Variants in C2CD5 observed in about 807,000 individuals in gnomAD.
The protein encoded by C2CD5 is C2 domain-containing protein 5.
A neutral mutation model predicts 130.3 loss-of-function variants in C2CD5; 109 were observed. The ratio of observed to expected loss-of-function variants is 0.84; its 90% CI spans 0.72 to 0.98. The LOEUF is 0.98. Ranked by LOEUF, C2CD5 falls within the 50% of genes least tolerant of loss-of-function variation. The pLI is 0.00. For synonymous variants in C2CD5, 454 were observed against 429.2 expected, an observed-to-expected ratio of 1.06 and a Z score of -0.71; for missense variants, 996 against 1,261.8, an observed-to-expected ratio of 0.79 and a Z score of 3.19.
chr12:22,506,749 G>A lies in C2CD5; in HGVS notation c.1109C>T (p.Ala370Val), dbSNP rs752696571. 3.0e-5 allele frequency: 48 copies of A among 1,610,752 alleles called. 3 individuals carry two copies. The South Asian group carries it at 4.9e-4, about 17-fold the overall frequency. ...ACGATCCAAAAGCTTCACAGAACGT[G>A]CACTAACTACACCCCCAACGTGTAC... ...FLVHVGGVVS[A>V]RSVKLLDRIH... Residue 370 changes from alanine to valine, a missense_variant, in exon 10 of 27, where the codon GCA (alanine) becomes GTA (valine). Ala to Val is a moderately conservative substitution (Grantham distance 64). This residue lies in a region of C2CD5 where 156 missense variants were observed against 165.9 expected (regional missense o/e 0.94). Transcript: ENST00000446597.
chr12:22,454,855 T>TC (rs1187399394), intron 25 of C2CD5, among the ~76,000 whole-genome samples: 2 of 152,160 alleles, frequency 1.3e-5, no homozygotes, highest in African/African-American at 4.8e-5. Flanking sequence ...AACATCTAGT[T>TC]CAACAGGTGC....
At chr12:22,500,143 C>A (rs1947572419) in intron 10 of C2CD5, among the ~76,000 whole-genome samples, 1 of 151,940 alleles carries the variant, frequency 6.6e-6, no homozygotes, top group Non-Finnish European at 1.5e-5. Flanking sequence ...GAGATCACGC[C>A]ACTGAACTCC....
chr12:22,467,008 T>C (rs1372637151), intron 22 of C2CD5, among the ~76,000 whole-genome samples: 4 of 152,136 alleles, frequency 2.6e-5, no homozygotes, highest in East Asian at 1.9e-4. Flanking sequence ...TTCAGAAAAG[T>C]AGGGGATCCA....
intron 10 of C2CD5, among the ~76,000 whole-genome samples, chr12:22,505,806 T>C (rs1047629377): frequency 2.0e-5 from 3 of 152,220 alleles, no homozygotes; most frequent in Non-Finnish European, 4.4e-5. Context: ...TCTTACTCGT[T>C]TGCTTAAACA....
chr12:22,541,002 T>A (rs1335800850), intron 2 of C2CD5, among the ~76,000 whole-genome samples: 2 of 152,226 alleles, frequency 1.3e-5, no homozygotes, highest in African/African-American at 4.8e-5. Flanking sequence ...ATACCAGCTA[T>A]CTAAAGGGAG....
chr12:22,524,023 T>C (rs915224791), intron 6 of C2CD5, among the ~76,000 whole-genome samples: 2 of 151,274 alleles, frequency 1.3e-5, no homozygotes, highest in African/African-American at 4.8e-5. Flanking sequence ...AAAAAGGGAA[T>C]GAGGTCAGAG....
At chr12:22,504,548 C>T (rs1174003366) in intron 10 of C2CD5, among the ~76,000 whole-genome samples, 1 of 152,162 alleles carries the variant, frequency 6.6e-6, no homozygotes, top group African/African-American at 2.4e-5. Flanking sequence ...GATGATCCAC[C>T]CGCCTCAAAC....
rs764112001 is a variant in C2CD5, at chr12:22,474,898, G to T, written c.1903-7C>A. 1.3e-6 allele frequency: 2 copies of T among 1,548,024 alleles called. No individual in the cohort carries two copies. Among genetic ancestry groups the T allele is most frequent in the East Asian group, 2.3e-5 (1 of 43,476 alleles). On this transcript the variant is annotated splice_polypyrimidine_tract_variant and splice_region_variant and intron_variant, in intron 15 of 26. Transcript: ENST00000446597. The stretch of plus-strand genomic sequence containing the variant: ...TAATCTCTTCAGATATCTCCTAAAA[G>T]AAATATAATTGTTTTATATCATATG...
intron 10 of C2CD5, among the ~76,000 whole-genome samples, chr12:22,499,564 T>C (rs1226327468): frequency 6.6e-6 from 1 of 152,130 alleles, no homozygotes; most frequent in African/African-American, 2.4e-5. Flanking sequence ...CACCAAAACC[T>C]AGGTTACCTA....
intron 9 of C2CD5, among the ~76,000 whole-genome samples, chr12:22,509,382 CTTTG>C (rs1341832738): frequency 2.0e-5 from 3 of 152,074 alleles, no homozygotes; most frequent in African/African-American, 7.2e-5. Flanking sequence ...CCCCAAAGTT[CTTTG>C]TTTGGGATAA....
chr12:22,503,589 C>G (rs1948084791), intron 10 of C2CD5, among the ~76,000 whole-genome samples: 1 of 152,114 alleles, frequency 6.6e-6, no homozygotes, highest in Non-Finnish European at 1.5e-5. Context: ...CGGCTTACTG[C>G]AACCTCCATC....
chr12:22,485,296 C>A (rs1385711330), intron 12 of C2CD5, among the ~76,000 whole-genome samples: 4 of 151,724 alleles, frequency 2.6e-5, no homozygotes, highest in Non-Finnish European at 5.9e-5. Context: ...ATTTTGGTTA[C>A]CAGAGGCTGG....
At chr12:22,488,312 G>A (rs1321044204) in intron 12 of C2CD5, among the ~76,000 whole-genome samples, 1 of 152,072 alleles carries the variant, frequency 6.6e-6, no homozygotes, top group African/African-American at 2.4e-5. Flanking sequence ...ATCTTACAAA[G>A]CATATAAGAA....
At chr12:22,463,295 G>A (rs988000749) in intron 22 of C2CD5, 6 of 152,216 alleles carry the variant, frequency 3.9e-5, no homozygotes, top group African/African-American at 1.4e-4. Context: ...GGAGGCTGAG[G>A]CTGGAGAATC....
intron 16 of C2CD5, among the ~76,000 whole-genome samples, chr12:22,474,263 C>T (rs1943506237): frequency 1.3e-5 from 2 of 152,136 alleles, no homozygotes; most frequent in African/African-American, 2.4e-5. Flanking sequence ...TTTCATGTGA[C>T]ATTTACTCTC....
chr12:22,484,558 T>C, intron 13 of C2CD5, 139 bp downstream of exon 13: 1 of 429,530 alleles, frequency 2.3e-6, no homozygotes, highest in Admixed American at 4.2e-5. Flanking sequence ...TGCAATAAAA[T>C]ACAAAGTTCC....
rs1948596165 is a variant in C2CD5 at position 22,506,815 on chromosome 12, A to G, written c.1043T>C (p.Phe348Ser). Residue 348 changes from phenylalanine (F) to serine (S), a missense_variant, in exon 10 of 27, where the codon TTT becomes TCT. By Grantham distance (155) the Phe-to-Ser change is radical. This residue lies in a region of C2CD5 where 156 missense variants were observed against 165.9 expected (regional missense o/e 0.94). Coordinates refer to ENST00000446597, the MANE Select transcript of C2CD5 (RefSeq NM_001286176.2). ...AAATGCCGTCAAGGTAAAAAATGGA[A>G]ATTCCTAGTGGAAAGAATAAGGGAA... is the stretch of plus-strand genomic sequence containing the variant. ...QTQSALEQRE[F>S]PFFTLTAFPP... 6.3e-7 allele frequency: 1 copy of G among 1,579,354 alleles called. No individual in the cohort carries two copies.
chr12:22,468,070 C>CT (rs78542498), intron 22 of C2CD5, among the ~76,000 whole-genome samples: 3,988 of 120,538 alleles, frequency 0.033, 149 homozygotes, highest in African/African-American at 0.1. Context: ...GGTTTTAGGG[C>CT]TTTTTTTTTT....
At chr12:22,488,075 A>G (rs1483712902) in intron 12 of C2CD5, among the ~76,000 whole-genome samples, 2 of 152,012 alleles carry the variant, frequency 1.3e-5, no homozygotes, top group Non-Finnish European at 2.9e-5. Context: ...GGATAGCATT[A>G]GGAGATAAAC....
Sources: allele counts gnomAD v4.1 joint callset (sites outside exome capture counted in the v4.1 genomes callset), GRCh38; gene constraint gnomAD v4.1.1; regional missense constraint gnomAD v4.1.1; transcripts MANE v1.5; gene names NCBI Gene and HGNC (gene_info 2026-07-23, HGNC 2026-07-21).